LCORL: variants seen among roughly 807,000 people sequenced by gnomAD.
LCORL encodes ligand-dependent nuclear receptor corepressor-like protein.
A neutral mutation model predicts 141.8 loss-of-function variants in LCORL; 41 were observed. The observed-to-expected ratio is 0.29, with a 90% CI of 0.23 to 0.38. LCORL has a LOEUF of 0.38. Ranked by LOEUF, LCORL falls within the 10% of genes least tolerant of loss-of-function variation. The pLI is 1.00. For synonymous variants in LCORL, 618 were observed against 694.1 expected, an observed-to-expected ratio of 0.89 and a Z score of 1.72; for missense variants, 1,759 against 2,035.0, an observed-to-expected ratio of 0.86 and a Z score of 2.61.
chr4:18,005,712 G>A (rs1722681379), intron 1 of LCORL, among the ~76,000 whole-genome samples: 1 of 152,204 alleles, frequency 6.6e-6, no homozygotes, highest in Non-Finnish European at 1.5e-5. Flanking sequence ...ATCCTCTGAG[G>A]CCACGGCCCG....
At chr4:17,897,891 G>A (rs1184935091) in intron 5 of LCORL, among the ~76,000 whole-genome samples, 1 of 152,154 alleles carries the variant, frequency 6.6e-6, no homozygotes, top group South Asian at 2.1e-4. Flanking sequence ...ATAATGTTTA[G>A]AGACCACACT....
chr4:17,995,959 C>T (rs1720862096), intron 1 of LCORL, among the ~76,000 whole-genome samples: 1 of 152,018 alleles, frequency 6.6e-6, no homozygotes, highest in South Asian at 2.1e-4. Flanking sequence ...ATTATCAACA[C>T]CTCATATATT....
At chr4:17,885,514 A>G (rs1466015689) in intron 6 of LCORL, among the ~76,000 whole-genome samples, 1 of 151,816 alleles carries the variant, frequency 6.6e-6, no homozygotes, top group African/African-American at 2.4e-5. Flanking sequence ...TTGTAAAAAA[A>G]AATCCAAAAA....
At chr4:17,999,248 T>C (rs990188049) in intron 1 of LCORL, among the ~76,000 whole-genome samples, 4 of 151,088 alleles carry the variant, frequency 2.6e-5, no homozygotes, top group African/African-American at 4.9e-5. Context: ...GGTCAGGAGA[T>C]GGAGACCAGC....
intron 4 of LCORL, among the ~76,000 whole-genome samples, chr4:17,927,316 C>T (rs775384218): frequency 7.2e-5 from 11 of 152,292 alleles, no homozygotes; most frequent in African/African-American, 1.2e-4. Flanking sequence ...ATGTCATGGC[C>T]GGTTTGGTCT....
intron 2 of LCORL, among the ~76,000 whole-genome samples, 159 bp downstream of exon 2, chr4:17,972,660 GT>G (rs1716206426): frequency 6.6e-6 from 1 of 151,434 alleles, no homozygotes; most frequent in Admixed American, 6.6e-5. Context: ...AATATGGTAT[GT>G]AATAAAAATA....
chr4:17,842,156 A>G lies in LCORL; in HGVS notation c.*3732T>C. 1.5e-5 allele frequency: 9 copies of G among 583,938 alleles called. No homozygotes were observed. In the South Asian group the frequency reaches 1.9e-4, roughly 12 times the overall value. The allele number at this position is 583,938 out of a possible 1,614,324, so 36.2% of individuals were successfully genotyped here. A position where few individuals can be genotyped will look rare whatever the true frequency, so the allele number is the denominator to read the frequency against. On this transcript the variant is annotated 3_prime_UTR_variant, in exon 8 of 8. Coordinates refer to ENST00000635767, the Ensembl canonical transcript of LCORL. ...TTGGGTTCCTTTTTCTGTGGCAGTG[A>G]TAACTGGTACCAAGATGGCTAGAAC...
At chr4:17,963,132 CATA>C in intron 2 of LCORL, 83 bp from the exon 3 acceptor site, 6 of 611,856 alleles carry the variant, frequency 9.8e-6, no homozygotes, top group East Asian at 3.2e-5. Flanking sequence ...CAATGGCTCA[CATA>C]ATAATAATTT....
chr4:17,850,594 G>A (rs1457038302), intron 7 of LCORL, among the ~76,000 whole-genome samples: 1 of 152,174 alleles, frequency 6.6e-6, no homozygotes. Context: ...TCTCACACCA[G>A]TTAGAATGGC....
intron 4 of LCORL, among the ~76,000 whole-genome samples, chr4:17,938,213 G>A (rs1289669247): frequency 6.6e-6 from 1 of 150,756 alleles, no homozygotes; most frequent in African/African-American, 2.4e-5. Flanking sequence ...CTCCATGTTG[G>A]TCAGGCTGGT....
chr4:17,906,837 C>T (rs1367812656), intron 5 of LCORL, among the ~76,000 whole-genome samples: 4 of 152,104 alleles, frequency 2.6e-5, no homozygotes, highest in Admixed American at 6.5e-5. Flanking sequence ...CAGGCATGTG[C>T]CACCACGCCC....
At chr4:17,863,125 G>A (rs527835776) in intron 7 of LCORL, among the ~76,000 whole-genome samples, 14 of 152,254 alleles carry the variant, frequency 9.2e-5, no homozygotes, top group African/African-American at 2.6e-4. Flanking sequence ...AGACCAGCCC[G>A]GTCAACATGG....
intron 4 of LCORL, chr4:17,911,982 G>A (rs1419471577): frequency 3.2e-6 from 2 of 628,200 alleles, no homozygotes; most frequent in African/African-American, 1.8e-5. Flanking sequence ...CCTCCTACCT[G>A]GACAGAGTGA....
At chr4:17,862,495 A>G (rs1479553287) in intron 7 of LCORL, among the ~76,000 whole-genome samples, 2 of 152,216 alleles carry the variant, frequency 1.3e-5, no homozygotes, top group African/African-American at 4.8e-5. Context: ...TACAGTAACC[A>G]AAACAGCATG....
At chr4:17,891,356 A>G (rs1228639134) in intron 5 of LCORL, among the ~76,000 whole-genome samples, 1 of 152,134 alleles carries the variant, frequency 6.6e-6, no homozygotes, top group East Asian at 1.9e-4. Flanking sequence ...AAAAAACACA[A>G]AAACAAAAAA....
At chr4:17,853,049 ATTTT>A (rs67695626) in intron 7 of LCORL, among the ~76,000 whole-genome samples, 2,613 of 125,140 alleles carry the variant, frequency 0.021, 75 homozygotes, top group African/African-American at 0.066. Flanking sequence ...TAAAAGCTTG[ATTTT>A]TTTTTTTTTT....
intron 7 of LCORL, among the ~76,000 whole-genome samples, chr4:17,852,530 GAA>G (rs1373512793): frequency 6.6e-6 from 1 of 152,126 alleles, no homozygotes; most frequent in Non-Finnish European, 1.5e-5. Flanking sequence ...ATGTTTTGGT[GAA>G]AAGAGAAAGA....
chr4:17,960,342 T>C (rs924287826), intron 4 of LCORL: 1 of 154,430 alleles, frequency 6.5e-6, no homozygotes, highest in Non-Finnish European at 1.5e-5. Context: ...TACTGATTAC[T>C]CTTAATAGGG....
At chr4:18,012,873 C>T (rs1724031578) in intron 1 of LCORL, among the ~76,000 whole-genome samples, 2 of 152,108 alleles carry the variant, frequency 1.3e-5, no homozygotes, top group Admixed American at 6.5e-5. Context: ...AATGGTAACG[C>T]CCATCTAAAA....
Sources: gnomAD v4.1 joint callset for allele counts (sites outside exome capture counted in the v4.1 genomes callset) on GRCh38, gnomAD v4.1.1 for gene constraint, MANE v1.5 for transcripts, NCBI Gene and HGNC (gene_info 2026-07-23, HGNC 2026-07-21) for gene names.